The following PAICS variants were observed in gnomAD, a reference collection of about 807,000 sequenced individuals.
PAICS encodes bifunctional phosphoribosylaminoimidazole carboxylase/phosphoribosylaminoimidazole succinocarboxamide synthetase.
Under a neutral mutation model 53.7 loss-of-function variants are expected in PAICS, and 33 were observed. The observed-to-expected ratio is 0.61, with a 90% CI of 0.47 to 0.82. The LOEUF is 0.82. PAICS is among the 40% of genes least tolerant of loss of function. The probability of loss-of-function intolerance (pLI) is 0.00; values close to 1 mark genes in which losing one functional copy is unlikely to be tolerated. For synonymous variants in PAICS, 141 were observed against 167.2 expected, an observed-to-expected ratio of 0.84 and a Z score of 1.21; for missense variants, 394 against 494.1, an observed-to-expected ratio of 0.80 and a Z score of 1.92.
upstream of PAICS, chr4:56,435,282 G>A (rs1282145842): frequency 8.1e-6 from 13 of 1,599,328 alleles, no homozygotes; most frequent in Non-Finnish European, 1.1e-5. Flanking sequence ...TCATGAGAAC[G>A]CCGACTGCGG....
In PAICS at chr4:56,451,947, A is replaced by G. The variant is rs1430625186; in HGVS notation, c.847A>G (p.Lys283Glu). Residue 283 changes from lysine to glutamate, a missense_variant, in exon 7 of 9, where the codon AAA becomes GAA. This residue lies in a region of PAICS where 131 missense variants were observed against 205.5 expected (regional missense o/e 0.64). Transcript: ENST00000512576. ...GSTSDLGHCE[K>E]IKKACGNFGI... The stretch of plus-strand genomic sequence containing the variant: ...TACTTCTGATCTTGGTCACTGTGAA[A>G]AAATCAAGAAGGCCTGTGGAAATTT... The G allele has an allele frequency of 1.2e-6, 2 of 1,606,034 alleles. No individual in the cohort carries two copies. Among genetic ancestry groups the G allele is most frequent in the Non-Finnish European group, 1.7e-6 (2 of 1,175,768 alleles).
In PAICS at chr4:56,463,477, T is replaced by TGA. The variant is rs1719582609; in HGVS notation, c.*3941_*3942dup. On this transcript the variant is annotated 3_prime_UTR_variant, in exon 9 of 9. Transcript: ENST00000512576. ...GGGAGGGTGAGGTGGGCAGATCACCTGAGGTCGGGAGTTCAAGACCAGCCT... is the reference window on the plus strand; with the variant it reads ...GGGAGGGTGAGGTGGGCAGATCACCTGAGAGGTCGGGAGTTCAAGACCAGCCT... 1 of 151,954 alleles carries TGA rather than the reference T, an allele frequency of 6.6e-6. No homozygotes were observed. Among genetic ancestry groups the TGA allele is most frequent in the Admixed American group, 6.6e-5 (1 of 15,226 alleles). 9.4% of individuals were successfully genotyped at this position (151,954 alleles called of 1,614,324 possible).
rs376709144 is a variant in PAICS, at chr4:56,446,389, T to C, written c.215-306T>C. The C allele has an allele frequency of 1.5e-4, 109 of 718,128 alleles. No individual in the cohort carries two copies. In the African/African-American group the frequency reaches 1.6e-3, roughly 10 times the overall value. 44.5% of individuals were successfully genotyped at this position (718,128 alleles called of 1,614,324 possible). On this transcript the variant is annotated intron_variant, in intron 2 of 8. Coordinates refer to ENST00000512576, the MANE Select transcript of PAICS (RefSeq NM_001079524.2). ...ATATAAGTCAAATCGTAAGTATTTG[T>C]TCTTTTGCATTTTGTGTTTTTCATT...
At chr4:56,429,796 C>T in the PAICS span, among the ~76,000 whole-genome samples, 122 of 152,286 alleles carry the variant, frequency 8.0e-4, no homozygotes, top group African/African-American at 2.6e-3. Context: ...ATCATCCTTC[C>T]GCCCCCATAA....
intron 8 of PAICS, among the ~76,000 whole-genome samples, 174 bp from the exon 9 acceptor site, chr4:56,459,198 A>G (rs1719374632): frequency 6.6e-6 from 1 of 152,208 alleles, no homozygotes; most frequent in South Asian, 2.1e-4. Context: ...TCTTGTAATC[A>G]CTTTACCACT....
chr4:56,438,816 T>C (rs1718185166), intron 1 of PAICS, among the ~76,000 whole-genome samples: 1 of 152,178 alleles, frequency 6.6e-6, no homozygotes, highest in African/African-American at 2.4e-5. Context: ...TTTACAATTT[T>C]TTATATCGAA....
chr4:56,436,041 C>A (rs924487802), upstream of PAICS: 44 of 1,520,552 alleles, frequency 2.9e-5, no homozygotes, highest in Non-Finnish European at 3.6e-5. Context: ...TGTCCGGGCA[C>A]TGCGCCAGCG....
chr4:56,441,781 T>C lies in PAICS; in HGVS notation c.135T>C (p.Ala45=), dbSNP rs1243890927. The change falls in exon 2 of 9, where the codon GCT becomes GCC. Residue 45 remains alanine (A), a synonymous_variant. Transcript: ENST00000512576. ...ACCAGATTACAGCAGGAAATGCAGC[T>C]AGAAAAAACCACCTGGAAGGAAAAG... The part of the protein sequence containing the change: ...SKDQITAGNA[A]RKNHLEGKAA... 1 of 1,603,768 alleles carries C rather than the reference T, an allele frequency of 6.2e-7. No homozygotes were observed. The highest frequency in any genetic ancestry group is 1.7e-5 in the Admixed American group (1 of 58,254).
the PAICS span, chr4:56,421,391 T>C: frequency 6.6e-6 from 1 of 152,384 alleles, no homozygotes; most frequent in African/African-American, 2.4e-5. Context: ...ATAAATGTAA[T>C]GCACTTGAAT....
chr4:56,419,665 C>T, the PAICS span: 3 of 983,800 alleles, frequency 3.0e-6, no homozygotes, highest in Non-Finnish European at 2.4e-6. Context: ...TTTATCCCAA[C>T]TGTAGCAAAT....
At chr4:56,440,355 A>G (rs1415453186) in intron 1 of PAICS, among the ~76,000 whole-genome samples, 1 of 152,234 alleles carries the variant, frequency 6.6e-6, no homozygotes, top group African/African-American at 2.4e-5. Context: ...TCATCCTCTA[A>G]ATTAGGTGCC....
chr4:56,457,426 A>G (rs1719269588), intron 8 of PAICS, among the ~76,000 whole-genome samples: 1 of 152,114 alleles, frequency 6.6e-6, no homozygotes, highest in South Asian at 2.1e-4. Context: ...ATAATGTTTA[A>G]AAAGAAAAAA....
the PAICS span, among the ~76,000 whole-genome samples, chr4:56,427,546 C>T: frequency 6.6e-6 from 1 of 151,956 alleles, no homozygotes; most frequent in Non-Finnish European, 1.5e-5. Flanking sequence ...GTGGTAGGCA[C>T]CTGTAGTGCC....
At chr4:56,429,022 T>C in the PAICS span, 1 of 894,846 alleles carries the variant, frequency 1.1e-6, no homozygotes, top group Non-Finnish European at 1.3e-6. Flanking sequence ...GCCAGAGAAA[T>C]AACAAGTTCT....
intron 7 of PAICS, among the ~76,000 whole-genome samples, 165 bp downstream of exon 7, chr4:56,452,217 C>T (rs571417770): frequency 4.6e-5 from 7 of 152,190 alleles, no homozygotes; most frequent in Non-Finnish European, 7.4e-5. Context: ...CTCACTCTGT[C>T]GCCCAGGCTG....
At chr4:56,421,781 A>C in the PAICS span, 1 of 152,212 alleles carries the variant, frequency 6.6e-6, no homozygotes, top group African/African-American at 2.4e-5. Flanking sequence ...CAGCAGTGGC[A>C]TGATATCTTC....
At chr4:56,450,942 C>G (rs1471621123) in intron 6 of PAICS, 2 of 330,990 alleles carry the variant, frequency 6.0e-6, no homozygotes, top group South Asian at 4.5e-5. Flanking sequence ...CTCAGCCTCC[C>G]GAGTAGCTGG....
chr4:56,448,748 T>C lies in PAICS; in HGVS notation c.612T>C (p.Val204=), dbSNP rs1318000316. The change falls in exon 5 of 9, where the codon GTT becomes GTC. Residue 204 remains valine (V), a synonymous_variant. Transcript: ENST00000512576. Reference sequence around the variant, plus strand: ...TTGATGTAACCACCAAAGAAATTGTTCTTGCTGATGTTATTGACAATGATT... The same window carrying C: ...TTGATGTAACCACCAAAGAAATTGTCCTTGCTGATGTTATTGACAATGATT... The part of the protein sequence containing the change: ...FGVDVTTKEI[V]LADVIDNDSW... 3 of 1,598,488 alleles carry C rather than the reference T, an allele frequency of 1.9e-6. No individual in the cohort carries two copies. In the South Asian group the frequency reaches 3.4e-5, roughly 18 times the overall value.
chr4:56,454,909 G>C (rs898366746), intron 8 of PAICS, among the ~76,000 whole-genome samples: 41 of 152,178 alleles, frequency 2.7e-4, no homozygotes, highest in Admixed American at 2.2e-3. Flanking sequence ...TGTCATCCCA[G>C]CACTTTGGGA....
Sources: allele counts gnomAD v4.1 joint callset (sites outside exome capture counted in the v4.1 genomes callset), GRCh38; gene constraint gnomAD v4.1.1; regional missense constraint gnomAD v4.1.1; transcripts MANE v1.5; gene names NCBI Gene and HGNC (gene_info 2026-07-23, HGNC 2026-07-21).